Variants in SDK1 observed in about 807,000 individuals in gnomAD.
The protein encoded by SDK1 is protein sidekick-1.
A neutral mutation model predicts 245.5 loss-of-function variants in SDK1; 157 were observed. That is an observed-to-expected ratio of 0.64 (90% CI 0.56 to 0.73). The LOEUF (loss-of-function observed/expected upper bound fraction) is 0.73. Among genes scored for constraint, SDK1 ranks in the 30% least tolerant of loss-of-function variants. The pLI, the probability that SDK1 is intolerant of heterozygous loss-of-function variation, is 0.00. For missense variants in SDK1, 3,583 were observed against 3,002.3 expected, an observed-to-expected ratio of 1.19 and a Z score of -4.52; for synonymous variants, 1,647 against 1,278.5, an observed-to-expected ratio of 1.29 and a Z score of -6.15.
chr7:4,191,800 C>T (rs930945333), intron 35 of SDK1, among the ~76,000 whole-genome samples: 1 of 152,246 alleles, frequency 6.6e-6, no homozygotes, highest in African/African-American at 2.4e-5. Context: ...GCTGGGCTAT[C>T]CCCACAGAGG....
chr7:3,427,848 T>C (rs1779720134), intron 1 of SDK1, among the ~76,000 whole-genome samples: 1 of 117,350 alleles, frequency 8.5e-6, no homozygotes, highest in Non-Finnish European at 1.7e-5. Context: ...ATGTCGTTAG[T>C]GTCTCTTAGA....
chr7:4,199,104 C>T (rs1050536505), intron 35 of SDK1, among the ~76,000 whole-genome samples: 4 of 152,278 alleles, frequency 2.6e-5, no homozygotes, highest in Middle Eastern at 3.4e-3. Flanking sequence ...TGTGAGCCAG[C>T]GTACCCGGCC....
chr7:3,635,146 A>G (rs1782417001), intron 2 of SDK1, among the ~76,000 whole-genome samples: 1 of 152,244 alleles, frequency 6.6e-6, no homozygotes, highest in Non-Finnish European at 1.5e-5. Flanking sequence ...TGTAATTTAA[A>G]TAAATGGCAT....
At chr7:4,177,286 G>A (rs1049752203) in intron 34 of SDK1, among the ~76,000 whole-genome samples, 79 of 152,308 alleles carry the variant, frequency 5.2e-4, no homozygotes, top group Admixed American at 1.3e-3. Flanking sequence ...GCACACAGGT[G>A]CCAGGCACAC....
intron 17 of SDK1, among the ~76,000 whole-genome samples, chr7:4,029,046 G>C (rs969069010): frequency 2.8e-5 from 4 of 141,888 alleles, no homozygotes; most frequent in African/African-American, 8.0e-5. Flanking sequence ...TACCAACCCC[G>C]TTTGCTTTTC....
At chr7:3,849,896 C>A (rs1416689128) in intron 5 of SDK1, among the ~76,000 whole-genome samples, 8 of 152,122 alleles carry the variant, frequency 5.3e-5, no homozygotes, top group African/African-American at 1.9e-4. Context: ...GAAGGCAGTG[C>A]TTGGCCTCAC....
At chr7:3,669,254 G>T (rs1413947877) in intron 4 of SDK1, among the ~76,000 whole-genome samples, 1 of 151,950 alleles carries the variant, frequency 6.6e-6, no homozygotes, top group East Asian at 1.9e-4. Flanking sequence ...GGAGCAGAGG[G>T]GATTAAAAAC....
At chr7:3,909,678 C>A (rs1222263349) in intron 5 of SDK1, among the ~76,000 whole-genome samples, 1 of 152,180 alleles carries the variant, frequency 6.6e-6, no homozygotes, top group Non-Finnish European at 1.5e-5. Flanking sequence ...TAAGGATACA[C>A]AAATACACGG....
chr7:4,142,409 G>A (rs12113790), intron 28 of SDK1, among the ~76,000 whole-genome samples: 89,096 of 151,466 alleles, frequency 0.59, 26,460 homozygotes, highest in East Asian at 0.85. Flanking sequence ...GCTCACCGCA[G>A]CCTCCGCCTC....
intron 35 of SDK1, among the ~76,000 whole-genome samples, chr7:4,191,058 T>G (rs1783175003): frequency 6.6e-6 from 1 of 152,210 alleles, no homozygotes; most frequent in Admixed American, 6.5e-5. Flanking sequence ...CCCCTCACTT[T>G]CTGTTTCCAC....
intron 1 of SDK1, among the ~76,000 whole-genome samples, chr7:3,408,031 A>G (rs768018327): frequency 6.6e-6 from 1 of 151,816 alleles, no homozygotes; most frequent in African/African-American, 2.4e-5. Flanking sequence ...GGAGAACGCC[A>G]TAGTTCATTC....
intron 1 of SDK1, among the ~76,000 whole-genome samples, chr7:3,431,648 C>G (rs1402799496): frequency 6.6e-6 from 1 of 152,088 alleles, no homozygotes; most frequent in Non-Finnish European, 1.5e-5. Flanking sequence ...CTACTTTCAG[C>G]TCAGAGAAGC....
intron 1 of SDK1, among the ~76,000 whole-genome samples, chr7:3,324,357 A>G (rs1038089573): frequency 7.9e-5 from 12 of 152,228 alleles, no homozygotes; most frequent in African/African-American, 2.9e-4. Flanking sequence ...TAGAATATTT[A>G]CTAGTACCCT....
chr7:3,323,443 A>G (rs2128548254), intron 1 of SDK1, among the ~76,000 whole-genome samples: 1 of 152,352 alleles, frequency 6.6e-6, no homozygotes, highest in Non-Finnish European at 1.5e-5. Flanking sequence ...TTGGGCCATA[A>G]GATGTGTAGA....
At chr7:3,565,599 C>T (rs986050899) in intron 1 of SDK1, among the ~76,000 whole-genome samples, 1 of 152,188 alleles carries the variant, frequency 6.6e-6, no homozygotes, top group Non-Finnish European at 1.5e-5. Context: ...AAACAGTCAT[C>T]TCTTGGTATC....
chr7:3,958,345 C>T (rs1781424730), intron 7 of SDK1: 1 of 260,912 alleles, frequency 3.8e-6, no homozygotes, highest in South Asian at 3.8e-5. Flanking sequence ...TTCTGCGGAA[C>T]GGGCGAGTGG....
intron 4 of SDK1, among the ~76,000 whole-genome samples, chr7:3,691,730 G>A (rs763519718): frequency 1.3e-5 from 2 of 152,122 alleles, no homozygotes; most frequent in Non-Finnish European, 2.9e-5. Flanking sequence ...AGGTGTGAAT[G>A]CGTAGAAGTC....
At chr7:3,971,991 G>C (rs1782520877) in intron 12 of SDK1, among the ~76,000 whole-genome samples, 1 of 151,924 alleles carries the variant, frequency 6.6e-6, no homozygotes, top group South Asian at 2.1e-4. Flanking sequence ...GGGGGAGGGA[G>C]TCCTGTGCAT....
At chr7:4,128,915 G>A (rs1446685211) in intron 26 of SDK1, among the ~76,000 whole-genome samples, 8 of 102,374 alleles carry the variant, frequency 7.8e-5, no homozygotes, top group East Asian at 3.3e-4. Context: ...GTCCCCTGGA[G>A]GAGAGCAGCT....
Sources: allele counts gnomAD v4.1 joint callset (sites outside exome capture counted in the v4.1 genomes callset), GRCh38; gene constraint gnomAD v4.1.1; transcripts MANE v1.5; gene names NCBI Gene and HGNC (gene_info 2026-07-23, HGNC 2026-07-21).